KMT2D: variants seen among roughly 807,000 people sequenced by gnomAD.
The protein encoded by KMT2D is histone-lysine N-methyltransferase 2D.
A neutral mutation model predicts 512.7 loss-of-function variants in KMT2D; 55 were observed. That is an observed-to-expected ratio of 0.11 (90% CI 0.09 to 0.13). KMT2D has a LOEUF of 0.13. Among genes scored for constraint, KMT2D ranks in the 10% least tolerant of loss-of-function variants. The pLI is 1.00. For synonymous variants in KMT2D, 2,995 were observed against 2,904.0 expected (o/e 1.03, Z -1.01); for missense variants, 6,061 against 7,127.9 (o/e 0.85, Z 5.39).
Position 49,021,411 on chromosome 12 carries a change from G to A in KMT2D, c.*369C>T. On this transcript the variant is annotated 3_prime_UTR_variant, in exon 55 of 55. Transcript: ENST00000301067. ...GCCGGAGAGGTCAGTGGGAGCAGCA[G>A]GGCTGTGAGGCCCGGCCACACATCC... 1 of 328,692 alleles carries A rather than the reference G, an allele frequency of 3.0e-6. No individual in the cohort carries two copies. The highest frequency in any genetic ancestry group is 5.6e-6 in the Non-Finnish European group (1 of 177,088). The allele number at this position is 328,692 out of a possible 1,614,324, so 20.4% of individuals were successfully genotyped here.
Position 49,046,884 on chromosome 12 carries a change from TC to T in KMT2D, c.4237-95del. Reference sequence around the variant, plus strand: ...TTTGGAGATGGAGTTTTGCTCTTGTTCCCCAGGCTGGAGTGCAATGGCGCGA... The same window carrying T: ...TTTGGAGATGGAGTTTTGCTCTTGTTCCCAGGCTGGAGTGCAATGGCGCGA... On this transcript the variant is annotated intron_variant, in intron 15 of 54. Transcript: ENST00000301067. The surrounding 1 kb of genome is among the most constrained non-coding windows in gnomAD (Gnocchi z 4.2). 9.0e-6 allele frequency: 11 copies of T among 1,216,682 alleles called. No individual in the cohort carries two copies. Among genetic ancestry groups the T allele is most frequent in the Non-Finnish European group, 1.1e-5 (10 of 878,456 alleles). The allele number at this position is 1,216,682 out of a possible 1,614,324, so 75.4% of individuals were successfully genotyped here.
At chr12:49,027,733 T>C in intron 48 of KMT2D, 70 bp downstream of exon 48, 1 of 1,537,770 alleles carries the variant, frequency 6.5e-7, no homozygotes, top group Non-Finnish European at 8.8e-7. Flanking sequence ...GGATTACAGA[T>C]GTGAGCCACC....
chr12:49,044,644 C>T lies in KMT2D; in HGVS notation c.4963+100G>A, dbSNP rs1943701930. ...GAGCCACTTAGACGAGACAGCAGTG[C>T]TTAAGGGTAACTGAGTGGCAATGTA... On this transcript the variant is annotated intron_variant, in intron 20 of 54. Transcript: ENST00000301067. This position sits in a 1 kb window ranked among gnomAD's most constrained non-coding sequence, Gnocchi z 6.4. The T allele has an allele frequency of 5.8e-6, 9 of 1,550,018 alleles. No individual in the cohort carries two copies. The highest frequency in any genetic ancestry group is 2.3e-5 in the East Asian group (1 of 44,234).
Position 49,032,511 on chromosome 12 carries a change from A to C in KMT2D, c.12194T>G (p.Val4065Gly). 1.9e-6 allele frequency: 3 copies of C among 1,584,800 alleles called. No individual in the cohort carries two copies. The highest frequency in any genetic ancestry group is 2.6e-6 in the Non-Finnish European group (3 of 1,165,406). ...TGAGTCCCCAGAGAGTGAGGGCTTTACCTCTCCTGGTTCAGTGGCCATTGA... is the reference window on the plus strand; with the variant it reads ...TGAGTCCCCAGAGAGTGAGGGCTTTCCCTCTCCTGGTTCAGTGGCCATTGA... Reference protein sequence around the residue: ...PESMATEPGEVKPSLSGDSQL... With the variant: ...PESMATEPGEGKPSLSGDSQL... Residue 4065 changes from valine (V) to glycine (G), a missense_variant, in exon 40 of 55, where the codon GTA becomes GGA. Val to Gly is a moderately radical substitution (Grantham distance 109). This residue lies in a region of KMT2D where 1,600 missense variants were observed against 1,754.9 expected (regional missense o/e 0.91). Coordinates refer to ENST00000301067, the MANE Select transcript of KMT2D (RefSeq NM_003482.4).
In KMT2D at chr12:49,021,870, T is replaced by C. The variant is rs755019750; in HGVS notation, c.16524A>G (p.Leu5508=). 26 of 1,613,342 alleles carry C rather than the reference T, an allele frequency of 1.6e-5. 1 individual carries two copies. The change falls in exon 55 of 55, where the codon CTA becomes CTG. Residue 5508 remains leucine (L), a splice_region_variant and synonymous_variant. Transcript: ENST00000301067. ...CAAAATCAAACTGATAGTCATAGGT[T>C]AGCTGAAAAGAGAAGAGGGCAGAAT... ...SSRRIPKGEE[L]TYDYQFDFED... is the part of the protein sequence containing the mutation.
Position 49,022,185 on chromosome 12 carries a change from AACTAAC to A in KMT2D, c.16413-40_16413-35del. The A allele has an allele frequency of 6.2e-7, 1 of 1,607,954 alleles. No homozygotes were observed. The highest frequency in any genetic ancestry group is 1.1e-5 in the South Asian group (1 of 90,954). On this transcript the variant is annotated intron_variant, in intron 53 of 54. Transcript: ENST00000301067. This position sits in a 1 kb window ranked among gnomAD's most constrained non-coding sequence, Gnocchi z 8.6. The stretch of plus-strand genomic sequence containing the variant: ...TGGGACAGAGTCAGGGATGTCAGGC[AACTAAC>A]TTGGGACAATTTTGATTCCTTGTTC...
rs1942362910 is a variant in KMT2D at position 49,022,213 on chromosome 12, G to C, written c.16413-62C>G. 1 of 1,600,610 alleles carries C rather than the reference G, an allele frequency of 6.2e-7. No homozygotes were observed. Among genetic ancestry groups the C allele is most frequent in the South Asian group, 1.1e-5 (1 of 90,768 alleles). On this transcript the variant is annotated intron_variant, in intron 53 of 54. Transcript: ENST00000301067. The surrounding 1 kb of genome is among the most constrained non-coding windows in gnomAD (Gnocchi z 8.6). ...TAACTTGGGACAATTTTGATTCCTT[G>C]TTCGTCTATCCCCCAGAGTGCCACT...
In KMT2D at chr12:49,053,609, C is replaced by G. The variant is rs1362838443; in HGVS notation, c.706G>C (p.Gly236Arg). The change falls in exon 7 of 55, where the codon GGG becomes CGG. Residue 236 changes from glycine (G) to arginine (R), a missense_variant. Transcript: ENST00000301067. ...EARCAVCEGP[G>R]ELCDLFFCTS... ...CAGAAGAACAGGTCACACAACTCCCCTGGCCCCTCACACACTGCACAGCGA... is the reference window on the plus strand; with the variant it reads ...CAGAAGAACAGGTCACACAACTCCCGTGGCCCCTCACACACTGCACAGCGA... The G allele has an allele frequency of 6.3e-7, 1 of 1,597,356 alleles. No individual in the cohort carries two copies. The highest frequency in any genetic ancestry group is 1.1e-5 in the South Asian group (1 of 88,100).
rs2120644162 is a variant in KMT2D, at chr12:49,049,999, G to A, written c.3589C>T (p.Pro1197Ser). 1 of 1,613,980 alleles carries A rather than the reference G, an allele frequency of 6.2e-7. No homozygotes were observed. Among genetic ancestry groups the A allele is most frequent in the Non-Finnish European group, 8.5e-7 (1 of 1,179,898 alleles). The change falls in exon 12 of 55, where the codon CCC becomes TCC. Residue 1197 changes from proline (P) to serine (S), a missense_variant. Pro to Ser is a moderately conservative substitution (Grantham distance 74). This residue lies in a region of KMT2D where 447 missense variants were observed against 500.1 expected (regional missense o/e 0.89). Coordinates refer to ENST00000301067, the MANE Select transcript of KMT2D (RefSeq NM_003482.4). ...EPRAPVAPTP[P>S]TLIKSDIVNE... ...ACGATGTCGGATTTGATGAGAGTGG[G>A]TGGTGTGGGGGCCACCGGTGCACGT... is the stretch of plus-strand genomic sequence containing the variant.
Position 49,041,750 on chromosome 12 carries a change from A to C in KMT2D, c.6184-45T>G. 1 of 1,582,140 alleles carries C rather than the reference A, an allele frequency of 6.3e-7. No homozygotes were observed. The highest frequency in any genetic ancestry group is 8.6e-7 in the Non-Finnish European group (1 of 1,162,066). On this transcript the variant is annotated intron_variant, in intron 30 of 54. Coordinates refer to ENST00000301067, the MANE Select transcript of KMT2D (RefSeq NM_003482.4). The surrounding 1 kb of genome is among the most constrained non-coding windows in gnomAD (Gnocchi z 5.4). The stretch of plus-strand genomic sequence containing the variant: ...GCCTTAGGGCCTAGTGCTTGGTCTC[A>C]TGCCCCGCCCCCATACTGTAGTGTT...
rs774353447 is a variant in KMT2D at position 49,050,209 on chromosome 12, C to T, written c.3379G>A (p.Gly1127Arg). Residue 1127 changes from glycine to arginine, a missense_variant, in exon 12 of 55, where the codon GGG becomes AGG. Physicochemically the swap from Gly to Arg is moderately radical, Grantham distance 125. This residue lies in a region of KMT2D where 447 missense variants were observed against 500.1 expected (regional missense o/e 0.89). Coordinates refer to ENST00000301067, the MANE Select transcript of KMT2D (RefSeq NM_003482.4). Reference protein sequence around the residue: ...GLGEDTAPLDGIDAPGSQPEP... With the variant: ...GLGEDTAPLDRIDAPGSQPEP... ...GGCTGTGAACCCGGAGCATCAATCC[C>T]ATCCAGAGGGGCTGTGTCTTCCCCT... is the stretch of plus-strand genomic sequence containing the variant. The T allele has an allele frequency of 6.2e-7, 1 of 1,613,842 alleles. No homozygotes were observed. Among genetic ancestry groups the T allele is most frequent in the Non-Finnish European group, 8.5e-7 (1 of 1,179,858 alleles).
chr12:49,036,565 CACA>C (rs771670229), intron 35 of KMT2D, among the ~76,000 whole-genome samples: 255 of 148,728 alleles, frequency 1.7e-3, no homozygotes, highest in Non-Finnish European at 3.2e-3. Flanking sequence ...CTCGGCTCAC[CACA>C]ACCTCTGCCT....
Position 49,024,861 on chromosome 12 carries a change from G to A in KMT2D, c.15870C>T (p.Gly5290=), listed in dbSNP as rs776989239. ...MLRLFPEYLK[G]EELFGLTVHA... is the part of the protein sequence containing the mutation. ...GCACCGTCAGCCCAAAGAGCTCCTC[G>A]CCCTTCAGATACTCAGGGAAGAGTC... is the stretch of plus-strand genomic sequence containing the variant. The change falls in exon 50 of 55, where the codon GGC becomes GGT. Residue 5290 remains glycine, a synonymous_variant. Transcript: ENST00000301067. The surrounding 1 kb of genome is among the most constrained non-coding windows in gnomAD (Gnocchi z 4.5). 2 of 1,611,074 alleles carry A rather than the reference G, an allele frequency of 1.2e-6. No homozygotes were observed. The highest frequency in any genetic ancestry group is 8.5e-7 in the Non-Finnish European group (1 of 1,178,632).
rs1057523642 is a variant in KMT2D, at chr12:49,050,720, C to T, written c.2868G>A (p.Glu956=). Residue 956 remains glutamate, a synonymous_variant, in exon 12 of 55, where the codon GAG becomes GAA. Coordinates refer to ENST00000301067, the MANE Select transcript of KMT2D (RefSeq NM_003482.4). ...CTTTGGCACCAAAGGGGTACTCTAACTCCCCCAAAGGAGACAGGGCCGGTG... is the reference window on the plus strand; with the variant it reads ...CTTTGGCACCAAAGGGGTACTCTAATTCCCCCAAAGGAGACAGGGCCGGTG... The part of the protein sequence containing the change: ...AAPPALSPLG[E]LEYPFGAKGD... 1 of 1,613,560 alleles carries T rather than the reference C, an allele frequency of 6.2e-7. No individual in the cohort carries two copies. Among genetic ancestry groups the T allele is most frequent in the Non-Finnish European group, 8.5e-7 (1 of 1,179,734 alleles).
Position 49,054,404 on chromosome 12 carries a change from G to A in KMT2D, c.413C>T (p.Ala138Val). ...HLGEPGGSCW[A>V]HHWCAAWSAG... ...CGACCATGCAGCACACCAATGGTGAGCCCAGCAGGACCCTTTACAGGTGGG... is the reference window on the plus strand; with the variant it reads ...CGACCATGCAGCACACCAATGGTGAACCCAGCAGGACCCTTTACAGGTGGG... Residue 138 changes from alanine (A) to valine (V), a missense_variant, in exon 5 of 55, where the codon GCT (alanine) becomes GTT (valine). Physicochemically the swap from Ala to Val is moderately conservative, Grantham distance 64. Around this residue, in one of 16 missense-constraint regions of KMT2D, gnomAD observed 9 missense variants for 31.6 expected, o/e 0.29. Coordinates refer to ENST00000301067, the MANE Select transcript of KMT2D (RefSeq NM_003482.4). The surrounding 1 kb of genome is among the most constrained non-coding windows in gnomAD (Gnocchi z 6.4). 6.3e-7 allele frequency: 1 copy of A among 1,587,838 alleles called. No homozygotes were observed. The highest frequency in any genetic ancestry group is 1.1e-5 in the South Asian group (1 of 87,180).
In KMT2D at chr12:49,031,188, G is replaced by T; in HGVS notation, c.13517C>A (p.Pro4506His). ...AGLEQKLQGT[P>H]SNKEDAAARK... is the part of the protein sequence containing the mutation. ...CAGAGTACTCACCTCCTTGTTGCTG[G>T]GGGTACCCTGTAGTTTCTGCTCCAG... Residue 4506 changes from proline to histidine, a missense_variant, in exon 40 of 55, where the codon CCC (proline) becomes CAC (histidine). Transcript: ENST00000301067. 1 of 1,608,688 alleles carries T rather than the reference G, an allele frequency of 6.2e-7. No individual in the cohort carries two copies. The highest frequency in any genetic ancestry group is 8.5e-7 in the Non-Finnish European group (1 of 1,176,702).
intron 6 of KMT2D, 139 bp from the exon 7 acceptor site, chr12:49,053,780 G>C: frequency 8.7e-7 from 1 of 1,154,960 alleles, no homozygotes; most frequent in East Asian, 2.6e-5. Flanking sequence ...ACGTCTGCCA[G>C]CTACTGTTCT....
At position 49,052,572 on chromosome 12, in the gene KMT2D, T is replaced by G; in HGVS notation, c.1250A>C (p.Lys417Thr). 6.2e-7 allele frequency: 1 copy of G among 1,613,236 alleles called. No individual in the cohort carries two copies. Among genetic ancestry groups the G allele is most frequent in the Non-Finnish European group, 8.5e-7 (1 of 1,179,532 alleles). ...KEPGPLQCEA[K>T]PLGKAGVQLE... ...CCTCAAACCCTACTCACCTAGTGGTTTGGCTTCACATTGCAGGGGCCCTGG... is the reference window on the plus strand; with the variant it reads ...CCTCAAACCCTACTCACCTAGTGGTGTGGCTTCACATTGCAGGGGCCCTGG... Residue 417 changes from lysine (K) to threonine (T), a missense_variant, in exon 10 of 55, where the codon AAA (lysine) becomes ACA (threonine). Lys to Thr is a moderately conservative substitution (Grantham distance 78). This residue lies in a region of KMT2D where 848 missense variants were observed against 838.5 expected (regional missense o/e 1.01). Transcript: ENST00000301067.
At chr12:49,036,057 T>C (rs1943199989) in intron 35 of KMT2D, 1 of 152,242 alleles carries the variant, frequency 6.6e-6, no homozygotes, top group Non-Finnish European at 1.5e-5. Flanking sequence ...TTAATGAGTC[T>C]GCTATAATGA....
Sources: allele counts gnomAD v4.1 joint callset (sites outside exome capture counted in the v4.1 genomes callset), GRCh38; gene constraint gnomAD v4.1.1; regional missense constraint gnomAD v4.1.1; non-coding constraint Gnocchi (gnomAD v3.1); transcripts MANE v1.5; gene names NCBI Gene and HGNC (gene_info 2026-07-23, HGNC 2026-07-21).